Variants in RPTOR observed in about 807,000 individuals in gnomAD.
RPTOR encodes the protein regulatory associated protein of MTOR complex 1.
In RPTOR, 21 loss-of-function variants were observed where a neutral mutation model predicts 169.9. The ratio of observed to expected loss-of-function variants is 0.12; its 90% confidence interval spans 0.09 to 0.18. RPTOR has a LOEUF of 0.18. Ranked by LOEUF, RPTOR falls within the 10% of genes least tolerant of loss-of-function variation. The pLI is 1.00. For synonymous variants in RPTOR, 732 were observed against 753.2 expected (o/e 0.97, Z 0.46); for missense variants, 1,133 against 1,855.9 (o/e 0.61, Z 7.16).
intron 13 of RPTOR, among the ~76,000 whole-genome samples, chr17:80,875,367 T>C (rs903466107): frequency 6.6e-6 from 1 of 152,188 alleles, no homozygotes; most frequent in African/African-American, 2.4e-5. Context: ...TGTTTGCTCT[T>C]CTTCTCTTCT....
At chr17:80,599,659 G>A (rs983389763) in intron 1 of RPTOR, among the ~76,000 whole-genome samples, 2 of 152,228 alleles carry the variant, frequency 1.3e-5, no homozygotes, top group African/African-American at 2.4e-5. Flanking sequence ...ATGTGAGAAG[G>A]CACTGCAGAC....
intron 1 of RPTOR, among the ~76,000 whole-genome samples, chr17:80,574,246 G>A (rs1198571858): frequency 6.8e-6 from 1 of 147,010 alleles, no homozygotes; most frequent in Non-Finnish European, 1.5e-5. Context: ...CTCACTGCAA[G>A]CTCCGCTTCC....
Position 80,938,236 on chromosome 17 carries a change from G to C in RPTOR, c.2920-2260G>C, listed in dbSNP as rs187243444. 3.3e-4 allele frequency among the ~76,000 whole-genome samples: 50 copies of C among 152,334 alleles called. 1 individual carries two copies. The highest frequency in any genetic ancestry group is 3.1e-3 in the Admixed American group (48 of 15,304). ...CCTTGCAGTCGTCTTTGTTGTCTTT[G>C]GAGCTGAGGCTCTGAAGCCGCCCCA... On this transcript the variant is annotated intron_variant, in intron 24 of 33. Transcript: ENST00000306801.
chr17:80,564,211 T>C (rs1051457492), intron 1 of RPTOR, among the ~76,000 whole-genome samples: 2 of 152,048 alleles, frequency 1.3e-5, no homozygotes, highest in African/African-American at 2.4e-5. Context: ...TACAGGCGCC[T>C]GCCACCACGC....
intron 1 of RPTOR, among the ~76,000 whole-genome samples, chr17:80,618,426 C>G (rs778529067): frequency 7.2e-5 from 11 of 152,182 alleles, no homozygotes; most frequent in Non-Finnish European, 1.5e-4. Flanking sequence ...CTAAATTTCT[C>G]AAGGGTCTGT....
intron 3 of RPTOR, among the ~76,000 whole-genome samples, chr17:80,662,030 CT>C (rs1198530551): frequency 2.6e-5 from 4 of 152,146 alleles, no homozygotes; most frequent in Non-Finnish European, 5.9e-5. Context: ...TTTCTAAAAA[CT>C]TTTTTCCAGG....
intron 5 of RPTOR, among the ~76,000 whole-genome samples, chr17:80,751,289 T>C (rs2066627902): frequency 6.6e-6 from 1 of 152,048 alleles, no homozygotes; most frequent in Non-Finnish European, 1.5e-5. Flanking sequence ...CCAGATGGGA[T>C]AATGGGGCAA....
chr17:80,940,712 C>A, intron 25 of RPTOR, 111 bp downstream of exon 25: 1 of 833,346 alleles, frequency 1.2e-6, no homozygotes, highest in Non-Finnish European at 1.9e-6. Context: ...CTCCAGCCAT[C>A]CACTGTCCCA....
chr17:80,620,213 C>T (rs1035813242), intron 1 of RPTOR, among the ~76,000 whole-genome samples: 8 of 152,118 alleles, frequency 5.3e-5, no homozygotes, highest in African/African-American at 1.9e-4. Context: ...ATACTCTTTT[C>T]AAATTCAAAA....
At chr17:80,808,882 G>C (rs149070022) in intron 7 of RPTOR, among the ~76,000 whole-genome samples, 2 of 152,006 alleles carry the variant, frequency 1.3e-5, no homozygotes, top group Non-Finnish European at 2.9e-5. Flanking sequence ...GTAACAGCCC[G>C]TCACCCTGTG....
chr17:80,963,472 G>C (rs867628323), intron 33 of RPTOR, among the ~76,000 whole-genome samples: 574 of 8,486 alleles, frequency 0.068, 29 homozygotes, highest in Admixed American at 0.12. Context: ...CCCGTCCCCT[G>C]TGCGGCCCTC....
intron 11 of RPTOR, among the ~76,000 whole-genome samples, chr17:80,851,561 A>G (rs1397959179): frequency 6.6e-6 from 1 of 152,218 alleles, no homozygotes; most frequent in East Asian, 1.9e-4. Flanking sequence ...TTTCTTTGCA[A>G]ATGAAATAAT....
chr17:80,620,290 CA>C (rs1182425481), intron 1 of RPTOR, among the ~76,000 whole-genome samples: 2 of 152,074 alleles, frequency 1.3e-5, no homozygotes, highest in East Asian at 1.9e-4. Flanking sequence ...GTCTTAAAGT[CA>C]AAAAACTTAT....
chr17:80,775,232 T>C (rs2066882287), intron 6 of RPTOR, among the ~76,000 whole-genome samples: 1 of 152,222 alleles, frequency 6.6e-6, no homozygotes, highest in Admixed American at 6.5e-5. Flanking sequence ...GCTGTTTTTC[T>C]CCTTTCTTCC....
At chr17:80,871,354 C>T (rs1015166228) in intron 13 of RPTOR, among the ~76,000 whole-genome samples, 1 of 152,174 alleles carries the variant, frequency 6.6e-6, no homozygotes, top group African/African-American at 2.4e-5. Flanking sequence ...CGTGAGCCAC[C>T]GCTCCCGGCC....
At chr17:80,836,947 C>T (rs528797692) in intron 9 of RPTOR, among the ~76,000 whole-genome samples, 109 of 151,966 alleles carry the variant, frequency 7.2e-4, no homozygotes, top group African/African-American at 2.4e-3. Flanking sequence ...TTTTAAATAG[C>T]GTCTGGGGGT....
intron 6 of RPTOR, among the ~76,000 whole-genome samples, chr17:80,784,001 A>G (rs117987715): frequency 0.014 from 2,074 of 152,156 alleles, 21 homozygotes; most frequent in Middle Eastern, 0.024. Flanking sequence ...TTTTAAGGCA[A>G]AGGATCTCAC....
intron 4 of RPTOR, among the ~76,000 whole-genome samples, chr17:80,724,249 G>A (rs1209480678): frequency 1.3e-5 from 2 of 151,188 alleles, no homozygotes; most frequent in Non-Finnish European, 2.9e-5. Context: ...CCTGTCTCCT[G>A]TTAAGTGAGA....
intron 6 of RPTOR, among the ~76,000 whole-genome samples, chr17:80,789,251 A>T (rs1264709511): frequency 6.6e-6 from 1 of 152,072 alleles, no homozygotes; most frequent in Non-Finnish European, 1.5e-5. Context: ...TCTGTTGTGG[A>T]TGAGGCATTG....
Sources: allele counts gnomAD v4.1 joint callset (sites outside exome capture counted in the v4.1 genomes callset), GRCh38; gene constraint gnomAD v4.1.1; transcripts MANE v1.5; gene names NCBI Gene and HGNC (gene_info 2026-07-23, HGNC 2026-07-21).